The following CNTN5 variants were observed in gnomAD, a reference collection of about 807,000 sequenced individuals.
CNTN5 encodes contactin 5, also known as contactin-5.
A neutral mutation model predicts 129.1 loss-of-function variants in CNTN5; 77 were observed. That is an observed-to-expected ratio of 0.60 (90% CI 0.50 to 0.72). The LOEUF (loss-of-function observed/expected upper bound fraction) is 0.72. Among genes scored for constraint, CNTN5 ranks in the 30% least tolerant of loss-of-function variants. The pLI, the probability that CNTN5 is intolerant of heterozygous loss-of-function variation, is 0.00. For missense variants in CNTN5, 1,478 were observed against 1,328.8 expected (o/e 1.11, Z -1.75); for synonymous variants, 509 against 465.6 (o/e 1.09, Z -1.20).
At chr11:99,285,534 C>T (rs1863894235) in intron 1 of CNTN5, among the ~76,000 whole-genome samples, 1 of 148,714 alleles carries the variant, frequency 6.7e-6, no homozygotes, top group Non-Finnish European at 1.5e-5. Flanking sequence ...AGTCCTTGCT[C>T]ATTAAACAAG....
At chr11:99,656,726 C>G (rs1046187236) in intron 3 of CNTN5, among the ~76,000 whole-genome samples, 1 of 152,122 alleles carries the variant, frequency 6.6e-6, no homozygotes, top group African/African-American at 2.4e-5. Context: ...CCAAGAGCAA[C>G]AAGGCTGCAA....
chr11:99,203,242 G>T (rs1859305621), intron 1 of CNTN5, among the ~76,000 whole-genome samples: 1 of 152,110 alleles, frequency 6.6e-6, no homozygotes, highest in Non-Finnish European at 1.5e-5. Flanking sequence ...GCCTGCTTAT[G>T]CAATCATGTT....
chr11:99,142,065 A>T (rs1313617229), intron 1 of CNTN5, among the ~76,000 whole-genome samples: 1 of 152,082 alleles, frequency 6.6e-6, no homozygotes, highest in Non-Finnish European at 1.5e-5. Context: ...TTGCTTCTCG[A>T]TGATTTCAAG....
At chr11:100,345,890 A>G (rs1025036369) in intron 23 of CNTN5, among the ~76,000 whole-genome samples, 1 of 152,188 alleles carries the variant, frequency 6.6e-6, no homozygotes, top group African/African-American at 2.4e-5. Context: ...AGAACCAGCA[A>G]GATGTTGGAA....
chr11:99,933,181 CATATA>C (rs1041423702), intron 7 of CNTN5, among the ~76,000 whole-genome samples: 1 of 152,024 alleles, frequency 6.6e-6, no homozygotes, highest in African/African-American at 2.4e-5. Flanking sequence ...TATTTGATCA[CATATA>C]ATATAAATCT....
chr11:99,579,469 A>G (rs1949491769), intron 3 of CNTN5, among the ~76,000 whole-genome samples: 1 of 150,726 alleles, frequency 6.6e-6, no homozygotes, highest in Non-Finnish European at 1.5e-5. Context: ...TGAGCATGGA[A>G]TGTTCTTCCA....
chr11:99,462,360 C>CTTTTTTTTTTTTTTTTTTTTATTTTTT (rs72276833), intron 2 of CNTN5, among the ~76,000 whole-genome samples: 1 of 125,284 alleles, frequency 8.0e-6, no homozygotes, highest in East Asian at 2.2e-4. Context: ...CTTTTCTTTT[C>CTTTTTTTTTTTTTTTTTTTTATTTTTT]TTTTTTTTTT....
chr11:99,339,149 A>G (rs1866396064), intron 2 of CNTN5, among the ~76,000 whole-genome samples: 1 of 151,636 alleles, frequency 6.6e-6, no homozygotes, highest in Non-Finnish European at 1.5e-5. Flanking sequence ...TACTCCATAA[A>G]TGTATACACC....
intron 18 of CNTN5, among the ~76,000 whole-genome samples, chr11:100,293,528 T>G (rs921717270): frequency 6.6e-6 from 1 of 151,796 alleles, no homozygotes; most frequent in Non-Finnish European, 1.5e-5. Context: ...CCACTTTCTC[T>G]TTTTCGAATC....
chr11:100,051,386 C>G lies in CNTN5; in HGVS notation c.981-9826C>G, dbSNP rs150776334. 2.2e-3 allele frequency among the ~76,000 whole-genome samples: 336 copies of G among 151,964 alleles called. 1 individual carries two copies. The highest frequency in any genetic ancestry group is 7.5e-3 in the African/African-American group (310 of 41,476). On this transcript the variant is annotated intron_variant, in intron 9 of 24. Coordinates refer to ENST00000524871, the MANE Select transcript of CNTN5 (RefSeq NM_014361.4). ...ATATTTAGAAATTCAAAACACACATCTAAATAACAAAATGATCAAGAGGAA... is the reference window on the plus strand; with the variant it reads ...ATATTTAGAAATTCAAAACACACATGTAAATAACAAAATGATCAAGAGGAA...
intron 1 of CNTN5, among the ~76,000 whole-genome samples, chr11:99,054,815 GAAT>G (rs906793289): frequency 6.6e-6 from 1 of 151,828 alleles, no homozygotes; most frequent in African/African-American, 2.4e-5. Context: ...AAGTCGACTT[GAAT>G]AATATGTTTT....
chr11:99,389,927 G>C (rs945886519), intron 2 of CNTN5, among the ~76,000 whole-genome samples: 2 of 152,130 alleles, frequency 1.3e-5, no homozygotes, highest in African/African-American at 2.4e-5. Flanking sequence ...TTGGAATCAA[G>C]TTAAAATTTA....
At chr11:99,376,749 G>A (rs7952247) in intron 2 of CNTN5, among the ~76,000 whole-genome samples, 5,081 of 152,186 alleles carry the variant, frequency 0.033, 280 homozygotes, top group African/African-American at 0.12. Context: ...TGAGATTGAT[G>A]CCCTTATTCG....
At chr11:99,704,524 T>C (rs1392689822) in intron 3 of CNTN5, among the ~76,000 whole-genome samples, 1 of 151,144 alleles carries the variant, frequency 6.6e-6, no homozygotes, top group Non-Finnish European at 1.5e-5. Flanking sequence ...AGAAATGTTT[T>C]GTCCTTTTAC....
intron 8 of CNTN5, among the ~76,000 whole-genome samples, chr11:99,965,640 A>G (rs907030145): frequency 1.3e-5 from 2 of 151,966 alleles, no homozygotes; most frequent in Non-Finnish European, 2.9e-5. Context: ...TATTTTGTTG[A>G]TTTGGGGTGG....
intron 13 of CNTN5, among the ~76,000 whole-genome samples, chr11:100,118,500 C>T (rs4754670): frequency 6.6e-6 from 1 of 151,854 alleles, no homozygotes; most frequent in African/African-American, 2.4e-5. Context: ...AATTACTGCT[C>T]ACAAACTATT....
intron 1 of CNTN5, among the ~76,000 whole-genome samples, chr11:99,284,174 T>C (rs1863821940): frequency 6.6e-6 from 1 of 152,090 alleles, no homozygotes; most frequent in African/African-American, 2.4e-5. Flanking sequence ...ATACTAGAGG[T>C]GTAATTGTTT....
chr11:100,232,137 G>A (rs931771367), intron 16 of CNTN5, among the ~76,000 whole-genome samples: 1 of 152,198 alleles, frequency 6.6e-6, no homozygotes, highest in Non-Finnish European at 1.5e-5. Flanking sequence ...CTGGCCAACA[G>A]AGTGAGACTG....
At position 99,372,738 on chromosome 11, in the gene CNTN5, C is replaced by T. The variant is rs78370150; in HGVS notation, c.-71+47254C>T. ...AAATGTCTAATTCATATTGTACACA[C>T]GCTATGCCTAGATTTACCTACAAAA... is the stretch of plus-strand genomic sequence containing the variant. On this transcript the variant is annotated intron_variant, in intron 2 of 24. Transcript: ENST00000524871. Among the ~76,000 whole-genome samples the T allele has an allele frequency of 2.8e-3, 424 of 152,228 alleles. 12 individuals carry two copies. The East Asian group carries it at 0.047, about 17-fold the overall frequency.
Sources: allele counts gnomAD v4.1 joint callset (sites outside exome capture counted in the v4.1 genomes callset), GRCh38; gene constraint gnomAD v4.1.1; transcripts MANE v1.5; gene names NCBI Gene and HGNC (gene_info 2026-07-23, HGNC 2026-07-21).